Variants in VWA3A observed in about 807,000 individuals in gnomAD.
The protein encoded by VWA3A is von Willebrand factor A domain containing 3A, also known as von Willebrand factor A domain-containing protein 3A.
Under a neutral mutation model 160.4 loss-of-function variants are expected in VWA3A, and 134 were observed. The ratio of observed to expected loss-of-function variants is 0.84; its 90% CI spans 0.73 to 0.96. The LOEUF is 0.96. Among genes scored for constraint, VWA3A ranks in the 40% least tolerant of loss-of-function variants. VWA3A has a pLI of 0.00. For synonymous variants in VWA3A, 476 were observed against 543.4 expected (o/e 0.88, Z 1.72); for missense variants, 1,310 against 1,447.9 (o/e 0.90, Z 1.55).
rs569630331 is a variant in VWA3A at position 22,113,911 on chromosome 16, T to G, written c.690-1436T>G. Among the ~76,000 whole-genome samples the G allele has an allele frequency of 4.6e-5, 7 of 152,252 alleles. No individual in the cohort carries two copies. In the East Asian group the frequency reaches 1.4e-3, roughly 29 times the overall value. Reference sequence around the variant, plus strand: ...ACTGCTCCTGGCCTGAAGGAAACTTTCTATCAATACCATAACTGAGAAGCT... The same window carrying G: ...ACTGCTCCTGGCCTGAAGGAAACTTGCTATCAATACCATAACTGAGAAGCT... On this transcript the variant is annotated intron_variant, in intron 8 of 33. Transcript: ENST00000389398.
At chr16:22,136,239 G>A (rs1049992483) in intron 21 of VWA3A, among the ~76,000 whole-genome samples, 8 of 152,150 alleles carry the variant, frequency 5.3e-5, no homozygotes, top group South Asian at 2.1e-4. Context: ...GTGATTGAAC[G>A]GGCAGTGTGA....
intron 22 of VWA3A, 95 bp from the exon 23 acceptor site, chr16:22,140,059 A>C (rs1303588319): frequency 1.6e-6 from 2 of 1,286,694 alleles, no homozygotes; most frequent in Non-Finnish European, 2.2e-6. Flanking sequence ...TCCTCCCTAC[A>C]AAAGTTCCTG....
At chr16:22,115,072 G>T (rs1037309806) in intron 8 of VWA3A, among the ~76,000 whole-genome samples, 2 of 152,040 alleles carry the variant, frequency 1.3e-5, no homozygotes, top group Admixed American at 1.3e-4. Context: ...CCCCAAAAGT[G>T]CTGGGATTAC....
chr16:22,097,711 C>T lies in VWA3A; in HGVS notation c.225+16C>T. On this transcript the variant is annotated intron_variant, in intron 3 of 33. Transcript: ENST00000389398. ...GGACTTACTGGTAAAGACCATGGCA[C>T]TTTAACTGGGTCGTGATACTACAAA... The T allele has an allele frequency of 6.4e-7, 1 of 1,551,194 alleles. No individual in the cohort carries two copies. Among genetic ancestry groups the T allele is most frequent in the Non-Finnish European group, 8.7e-7 (1 of 1,146,724 alleles).
chr16:22,111,968 A>C (rs1400823506), intron 8 of VWA3A, among the ~76,000 whole-genome samples: 1 of 152,204 alleles, frequency 6.6e-6, no homozygotes, highest in African/African-American at 2.4e-5. Context: ...ACACACATGC[A>C]TCTGTGTGTT....
chr16:22,113,363 C>CTTTTTTTTTTTTTTTTTTTTTTTTTTTTT (rs569069206), intron 8 of VWA3A, among the ~76,000 whole-genome samples: 6 of 46,264 alleles, frequency 1.3e-4, no homozygotes, highest in African/African-American at 1.7e-4. Flanking sequence ...GGCTAATTTT[C>CTTTTTTTTTTTTTTTTTTTTTTTTTTTTT]TTTTTTTTTT....
intron 8 of VWA3A, among the ~76,000 whole-genome samples, chr16:22,113,033 A>G (rs1278739735): frequency 3.9e-5 from 6 of 152,242 alleles, no homozygotes; most frequent in East Asian, 3.8e-4. Context: ...TCTGATTTCC[A>G]CTTTAGGTGG....
chr16:22,123,445 T>C, intron 15 of VWA3A, 168 bp from the exon 16 acceptor site: 1 of 1,540,758 alleles, frequency 6.5e-7, no homozygotes. Context: ...TCCCTTCCTG[T>C]TCTTGTGGTG....
At chr16:22,140,327 G>A (rs2046123762) in intron 23 of VWA3A, 83 bp downstream of exon 23, 2 of 1,342,348 alleles carry the variant, frequency 1.5e-6, no homozygotes, top group African/African-American at 1.4e-5. Context: ...AGTAACTAGA[G>A]CCACGTGTGG....
intron 16 of VWA3A, among the ~76,000 whole-genome samples, chr16:22,123,938 G>A (rs1229836289): frequency 2.0e-5 from 3 of 152,028 alleles, no homozygotes; most frequent in Admixed American, 6.5e-5. Context: ...ACTTGGGGAG[G>A]CCAAAGCGGG....
rs558157214 is a variant in VWA3A at position 22,131,192 on chromosome 16, T to C, written c.1653-13T>C. 35 of 1,613,166 alleles carry C rather than the reference T, an allele frequency of 2.2e-5. No individual in the cohort carries two copies. The East Asian group carries it at 7.1e-4, about 33-fold the overall frequency. ...CCCCCAGCCTAAGAACGAACTCTCT[T>C]TGCTTCTTAAAGGTTTGGAAGCACA... On this transcript the variant is annotated splice_polypyrimidine_tract_variant and intron_variant, in intron 17 of 33. Transcript: ENST00000389398.
intron 12 of VWA3A, among the ~76,000 whole-genome samples, chr16:22,120,261 A>G (rs1490319866): frequency 1.3e-5 from 2 of 152,170 alleles, no homozygotes; most frequent in African/African-American, 4.8e-5. Flanking sequence ...CCCAAAATGA[A>G]GTGCATGTAC....
chr16:22,141,738 G>A (rs2046154425), intron 24 of VWA3A, 46 bp downstream of exon 24: 2 of 1,530,566 alleles, frequency 1.3e-6, no homozygotes, highest in Non-Finnish European at 8.9e-7. Context: ...CCTGGCCCTG[G>A]GGGAGCTGTA....
chr16:22,136,925 T>G (rs929117948), intron 21 of VWA3A, among the ~76,000 whole-genome samples: 1 of 143,986 alleles, frequency 6.9e-6, no homozygotes, highest in Non-Finnish European at 1.5e-5. Flanking sequence ...ACACGCAAAA[T>G]TAGCTGGGTG....
At position 22,155,436 on chromosome 16, in the gene VWA3A, G is replaced by A. The variant is rs184538629; in HGVS notation, c.3406-131G>A. 2.2e-4 allele frequency: 171 copies of A among 764,642 alleles called. 1 individual carries two copies. The highest frequency in any genetic ancestry group is 1.9e-3 in the East Asian group (76 of 40,052). The allele number at this position is 764,642 out of a possible 1,614,324, so 47.4% of individuals were successfully genotyped here. ...GCTTCCTGACCCTGGAGATATACAA[G>A]CAGAGGCTCACAAGATTTCCTGCAC... On this transcript the variant is annotated intron_variant, in intron 31 of 33. Coordinates refer to ENST00000389398, the MANE Select transcript of VWA3A (RefSeq NM_173615.5).
Position 22,123,094 on chromosome 16 carries a change from A to C in VWA3A, c.1366A>C (p.Ile456Leu). ...VSSTIHEKAM[I>L]QFEWHDGTVK... ...CCATGCCTGAGTATAGAAGGCAATG[A>C]TACAATTTGAATGGCACGACGGGAC... The change falls in exon 15 of 34, where the codon ATA (isoleucine) becomes CTA (leucine). Residue 456 changes from isoleucine to leucine, a missense_variant. Coordinates refer to ENST00000389398, the MANE Select transcript of VWA3A (RefSeq NM_173615.5). 1 of 1,602,750 alleles carries C rather than the reference A, an allele frequency of 6.2e-7. No individual in the cohort carries two copies. Among genetic ancestry groups the C allele is most frequent in the Non-Finnish European group, 8.5e-7 (1 of 1,174,386 alleles).
intron 6 of VWA3A, among the ~76,000 whole-genome samples, chr16:22,107,493 G>A (rs567057372): frequency 6.6e-6 from 1 of 152,274 alleles, no homozygotes; most frequent in African/African-American, 2.4e-5. Flanking sequence ...TGCAATCTCA[G>A]CACTTTGGGA....
At chr16:22,124,425 G>A (rs117877382) in intron 16 of VWA3A, among the ~76,000 whole-genome samples, 2,833 of 151,174 alleles carry the variant, frequency 0.019, 42 homozygotes, top group Non-Finnish European at 0.03. Context: ...AATGGATGCT[G>A]AGTTGGGAGA....
intron 3 of VWA3A, among the ~76,000 whole-genome samples, chr16:22,098,405 T>TA (rs917016645): frequency 1.3e-5 from 2 of 152,236 alleles, no homozygotes; most frequent in Non-Finnish European, 2.9e-5. Flanking sequence ...GAAAGGTTGA[T>TA]AGAGTTTTGA....
Sources: allele counts gnomAD v4.1 joint callset (sites outside exome capture counted in the v4.1 genomes callset), GRCh38; gene constraint gnomAD v4.1.1; transcripts MANE v1.5; gene names NCBI Gene and HGNC (gene_info 2026-07-23, HGNC 2026-07-21).